Variants in LHFPL6 observed in about 807,000 individuals in gnomAD.
The protein encoded by LHFPL6 is LHFPL tetraspan subfamily member 6 protein.
A neutral mutation model predicts 20.6 loss-of-function variants in LHFPL6; 9 were observed. The observed-to-expected ratio is 0.44, with a 90% CI of 0.26 to 0.76. The LOEUF (loss-of-function observed/expected upper bound fraction) is 0.76, where lower values mean the gene tolerates loss of function less well. Ranked by LOEUF, LHFPL6 falls within the 30% of genes least tolerant of loss-of-function variation. LHFPL6 has a pLI of 0.20. For missense variants in LHFPL6, 218 were observed against 253.5 expected, an observed-to-expected ratio of 0.86 and a Z score of 0.95; for synonymous variants, 105 against 98.7, an observed-to-expected ratio of 1.06 and a Z score of -0.38.
chr13:39,545,326 A>G (rs1268992575), intron 2 of LHFPL6, among the ~76,000 whole-genome samples: 3 of 151,476 alleles, frequency 2.0e-5, no homozygotes, highest in Admixed American at 6.6e-5. Context: ...AAGGAATCCT[A>G]GTTGGTATTG....
intron 2 of LHFPL6, among the ~76,000 whole-genome samples, chr13:39,568,277 G>A (rs1225991760): frequency 6.7e-6 from 1 of 148,296 alleles, no homozygotes; most frequent in African/African-American, 2.5e-5. Context: ...GAAATATCCA[G>A]AAAAAAAAAA....
intron 2 of LHFPL6, among the ~76,000 whole-genome samples, chr13:39,537,992 CTTTTT>C (rs57732900): frequency 4.4e-4 from 19 of 43,544 alleles, no homozygotes; most frequent in South Asian, 2.2e-3. Context: ...TTCTTTCTTT[CTTTTT>C]TTTTTTTTTT....
chr13:39,600,593 A>C (rs1476786901), intron 2 of LHFPL6, among the ~76,000 whole-genome samples: 2 of 152,236 alleles, frequency 1.3e-5, no homozygotes, highest in Non-Finnish European at 2.9e-5. Flanking sequence ...TGTTTCACAT[A>C]GGTGGCACTT....
intron 2 of LHFPL6, among the ~76,000 whole-genome samples, chr13:39,538,013 C>T (rs1593354403): frequency 2.8e-5 from 4 of 143,648 alleles, no homozygotes; most frequent in African/African-American, 5.3e-5. Context: ...TTTTTTGAGA[C>T]GGAGTCTTAC....
Position 39,601,209 on chromosome 13 carries a change from G to A in LHFPL6, c.8C>T (p.Ser3Phe), listed in dbSNP as rs1205353196. Reference sequence around the variant, plus strand: ...GATTACTCCAGTACAAGTCAGGCTGGATGCCATCTTTCACCAGATAGGGCA... The same window carrying A: ...GATTACTCCAGTACAAGTCAGGCTGAATGCCATCTTTCACCAGATAGGGCA... MA[S>F]SLTCTGVIWA... The change falls in exon 2 of 4, where the codon TCC becomes TTC. Residue 3 changes from serine (S) to phenylalanine (F), a missense_variant. Transcript: ENST00000379589. 1 of 1,607,950 alleles carries A rather than the reference G, an allele frequency of 6.2e-7. No homozygotes were observed. The highest frequency in any genetic ancestry group is 8.5e-7 in the Non-Finnish European group (1 of 1,176,274).
intron 2 of LHFPL6, among the ~76,000 whole-genome samples, chr13:39,553,226 T>C (rs1241105429): frequency 6.6e-6 from 1 of 152,236 alleles, no homozygotes; most frequent in Non-Finnish European, 1.5e-5. Flanking sequence ...TTGATAATCA[T>C]CTAATAATTA....
chr13:39,436,711 A>G (rs1871967237), intron 2 of LHFPL6, among the ~76,000 whole-genome samples: 1 of 152,230 alleles, frequency 6.6e-6, no homozygotes, highest in South Asian at 2.1e-4. Context: ...AAGCACAGCA[A>G]TGTTATGGTT....
chr13:39,459,194 A>ATGTGTGTGTGTGTG lies in LHFPL6; in HGVS notation c.386-80682_386-80669dup, dbSNP rs58955444. 2.0e-3 allele frequency among the ~76,000 whole-genome samples: 266 copies of ATGTGTGTGTGTGTG among 136,048 alleles called. 1 individual carries two copies. Among genetic ancestry groups the ATGTGTGTGTGTGTG allele is most frequent in the African/African-American group, 6.5e-3 (236 of 36,328 alleles). The allele number at this position is 136,048 out of a possible 152,430, so 89.3% of individuals were successfully genotyped here. A position where few individuals can be genotyped will look rare whatever the true frequency, so the allele number is the denominator to read the frequency against. On this transcript the variant is annotated intron_variant, in intron 2 of 3. Transcript: ENST00000379589. ...CAGTAATAGCTGGACAAGTTCCTTA[A>ATGTGTGTGTGTGTG]TGTGTGTGTGTGTGTGTGTGTGTGT... is the stretch of plus-strand genomic sequence containing the variant.
chr13:39,400,618 C>T (rs539420142), intron 2 of LHFPL6, among the ~76,000 whole-genome samples: 25 of 150,974 alleles, frequency 1.7e-4, no homozygotes, highest in African/African-American at 5.8e-4. Flanking sequence ...CCCGTCTCTA[C>T]TAAAAATACA....
chr13:39,561,828 T>C (rs1200708850), intron 2 of LHFPL6, among the ~76,000 whole-genome samples: 1 of 152,198 alleles, frequency 6.6e-6, no homozygotes, highest in Non-Finnish European at 1.5e-5. Context: ...CTGTAAATGT[T>C]TGTTGAATCA....
At chr13:39,382,503 C>T (rs1017836879) in intron 2 of LHFPL6, among the ~76,000 whole-genome samples, 4 of 152,054 alleles carry the variant, frequency 2.6e-5, no homozygotes, top group Admixed American at 6.5e-5. Context: ...GATTCTCCTG[C>T]CTCAGCCTCC....
chr13:39,371,170 A>G (rs546514987), intron 3 of LHFPL6, among the ~76,000 whole-genome samples: 11 of 152,378 alleles, frequency 7.2e-5, no homozygotes, highest in African/African-American at 2.6e-4. Context: ...AGCCACCAGC[A>G]TAATTTCAAG....
chr13:39,416,826 T>G (rs1218989762), intron 2 of LHFPL6, among the ~76,000 whole-genome samples: 1 of 152,146 alleles, frequency 6.6e-6, no homozygotes, highest in Non-Finnish European at 1.5e-5. Flanking sequence ...CTAAAGTTGT[T>G]AAAACCTGAG....
intron 2 of LHFPL6, among the ~76,000 whole-genome samples, chr13:39,493,718 G>C (rs73175161): frequency 1.3e-5 from 2 of 152,122 alleles, no homozygotes; most frequent in Non-Finnish European, 2.9e-5. Context: ...CTCTATAATA[G>C]ACGCAATTTT....
intron 2 of LHFPL6, among the ~76,000 whole-genome samples, chr13:39,567,098 G>C (rs1226205543): frequency 1.3e-5 from 2 of 149,186 alleles, no homozygotes; most frequent in Non-Finnish European, 3.0e-5. Context: ...TTATTGAAAA[G>C]GTTTTAGCAT....
chr13:39,449,744 A>G (rs758635221), intron 2 of LHFPL6, among the ~76,000 whole-genome samples: 1 of 152,046 alleles, frequency 6.6e-6, no homozygotes, highest in Non-Finnish European at 1.5e-5. Context: ...AGTGCTATTA[A>G]CCTAAAGATT....
chr13:39,359,468 T>C (rs1190336196), intron 3 of LHFPL6, among the ~76,000 whole-genome samples: 1 of 151,940 alleles, frequency 6.6e-6, no homozygotes, highest in African/African-American at 2.4e-5. Flanking sequence ...CCCCATGGAA[T>C]ACTACATGGC....
At position 39,343,603 on chromosome 13, in the gene LHFPL6, TTGTGTGTGTGTGTGTGTGTG is replaced by T. The variant is rs67172252; in HGVS notation, c.*313_*332del. ...ACCCTTGTTTGTATATGTAGATTTG[TTGTGTGTGTGTGTGTGTGTG>T]TGTGTGTGTGTGTGTGTGTGTGTGT... On this transcript the variant is annotated 3_prime_UTR_variant, in exon 4 of 4. Transcript: ENST00000379589. 4.1e-5 allele frequency: 8 copies of T among 195,116 alleles called. No individual in the cohort carries two copies. Among genetic ancestry groups the T allele is most frequent in the Admixed American group, 1.3e-4 (2 of 15,462 alleles). The allele number at this position is 195,116 out of a possible 1,614,324, so 12.1% of individuals were successfully genotyped here. A position where few individuals can be genotyped will look rare whatever the true frequency, so the allele number is the denominator to read the frequency against.
At chr13:39,414,616 A>G (rs1871305886) in intron 2 of LHFPL6, among the ~76,000 whole-genome samples, 1 of 152,118 alleles carries the variant, frequency 6.6e-6, no homozygotes, top group African/African-American at 2.4e-5. Context: ...TTTCTAGTTT[A>G]GTAAATTTCA....
Sources: gnomAD v4.1 joint callset for allele counts (sites outside exome capture counted in the v4.1 genomes callset) on GRCh38, gnomAD v4.1.1 for gene constraint, MANE v1.5 for transcripts, NCBI Gene and HGNC (gene_info 2026-07-23, HGNC 2026-07-21) for gene names.